The following AK8 variants were observed in gnomAD, a reference collection of about 807,000 sequenced individuals.
The protein encoded by AK8 is ATP-AMP transphosphorylase 8.
AK8 carries 44 observed loss-of-function variants against 54.6 expected under a neutral mutation model. The ratio of observed to expected loss-of-function variants is 0.81; its 90% CI spans 0.63 to 1.04. The LOEUF (loss-of-function observed/expected upper bound fraction) is 1.04, where lower values mean the gene tolerates loss of function less well. Ranked by LOEUF, AK8 falls within the 50% of genes least tolerant of loss-of-function variation. The probability of loss-of-function intolerance (pLI) is 0.00; values close to 1 mark genes in which losing one functional copy is unlikely to be tolerated. For synonymous variants in AK8, 239 were observed against 245.6 expected, an observed-to-expected ratio of 0.97 and a Z score of 0.25; for missense variants, 555 against 613.6, an observed-to-expected ratio of 0.90 and a Z score of 1.01.
chr9:132,746,066 C>T lies in AK8; in HGVS notation c.1122-18532G>A, dbSNP rs147899860. Among the ~76,000 whole-genome samples, 207 of 152,232 alleles carry T rather than the reference C, an allele frequency of 1.4e-3. 3 individuals are homozygous for T. The highest frequency in any genetic ancestry group is 4.7e-3 in the African/African-American group (197 of 41,540). ...AACGGGGATGTCGAGTTTAGGGAGA[C>T]GCTGCCTTCATCCAGCAATCCTAGT... On this transcript the variant is annotated intron_variant, in intron 11 of 12. Coordinates refer to ENST00000298545, the MANE Select transcript of AK8 (RefSeq NM_152572.3).
rs1316657815 is a variant in AK8, at chr9:132,725,670, C to T, written c.*18G>A. 2 of 1,552,682 alleles carry T rather than the reference C, an allele frequency of 1.3e-6. No homozygotes were observed. The highest frequency in any genetic ancestry group is 1.2e-5 in the South Asian group (1 of 85,198). On this transcript the variant is annotated 3_prime_UTR_variant, in exon 13 of 13. Coordinates refer to ENST00000298545, the MANE Select transcript of AK8 (RefSeq NM_152572.3). ...GATTAACTCTTTCCCTGGGGCAGCG[C>T]TCCTGGCTCTGAACCCATCAGGGGA...
chr9:132,759,497 T>C (rs925577007), intron 11 of AK8, among the ~76,000 whole-genome samples: 1 of 152,250 alleles, frequency 6.6e-6, no homozygotes, highest in Non-Finnish European at 1.5e-5. Flanking sequence ...TGGGTCTTAT[T>C]TTAGGAAGAC....
intron 11 of AK8, among the ~76,000 whole-genome samples, chr9:132,747,578 G>T (rs1400966716): frequency 6.6e-6 from 1 of 150,994 alleles, no homozygotes; most frequent in East Asian, 2.0e-4. Context: ...CTGTAGCTGG[G>T]ATTACACCAT....
At chr9:132,801,085 C>G (rs527564016) in intron 10 of AK8, among the ~76,000 whole-genome samples, 3 of 152,046 alleles carry the variant, frequency 2.0e-5, no homozygotes, top group African/African-American at 7.2e-5. Flanking sequence ...CCACCAGGCC[C>G]GGCTAATTTT....
intron 2 of AK8, among the ~76,000 whole-genome samples, chr9:132,872,705 C>G (rs1472316859): frequency 6.6e-6 from 1 of 152,014 alleles, no homozygotes; most frequent in African/African-American, 2.4e-5. Flanking sequence ...GCGATCTCAG[C>G]TCACTGCAAC....
At chr9:132,843,289 T>G (rs1432517456) in intron 5 of AK8, among the ~76,000 whole-genome samples, 1 of 152,050 alleles carries the variant, frequency 6.6e-6, no homozygotes, top group East Asian at 1.9e-4. Flanking sequence ...CGCCTCCCCC[T>G]CCCACTGTCT....
chr9:132,772,795 T>A (rs1839040164), intron 11 of AK8, among the ~76,000 whole-genome samples: 2 of 152,154 alleles, frequency 1.3e-5, no homozygotes, highest in Admixed American at 6.5e-5. Context: ...CCTCTCTCTC[T>A]CACATGTCCT....
At chr9:132,816,198 A>G (rs1841318648) in intron 9 of AK8, among the ~76,000 whole-genome samples, 1 of 152,034 alleles carries the variant, frequency 6.6e-6, no homozygotes, top group Admixed American at 6.5e-5. Context: ...TACTAAAAAT[A>G]CAAAAATTAG....
chr9:132,784,289 G>GC (rs34156644), intron 11 of AK8, among the ~76,000 whole-genome samples: 100,139 of 151,998 alleles, frequency 0.66, 33,154 homozygotes, highest in East Asian at 0.81. Flanking sequence ...GGAGGTTGAG[G>GC]GGGTGGATCA....
chr9:132,839,823 G>A (rs903720550), intron 5 of AK8, among the ~76,000 whole-genome samples: 1 of 147,302 alleles, frequency 6.8e-6, no homozygotes, highest in Admixed American at 6.8e-5. Flanking sequence ...TTTTTGCCGG[G>A]GGGGGGGGCG....
intron 11 of AK8, among the ~76,000 whole-genome samples, chr9:132,777,318 T>C (rs982332371): frequency 6.6e-6 from 1 of 152,140 alleles, no homozygotes. Context: ...CATCATCCCA[T>C]TGAATCCTCT....
At position 132,771,286 on chromosome 9, in the gene AK8, G is replaced by A. The variant is rs150228562; in HGVS notation, c.1121+21348C>T. 3.5e-4 allele frequency among the ~76,000 whole-genome samples: 53 copies of A among 152,362 alleles called. No homozygotes were observed. The East Asian group carries it at 7.9e-3, about 23-fold the overall frequency. Reference sequence around the variant, plus strand: ...GGGCCTGGCCCTCCTGCCCACAGGAGACAAGAGACTATGGAGGAAAGTGCT... The same window carrying A: ...GGGCCTGGCCCTCCTGCCCACAGGAAACAAGAGACTATGGAGGAAAGTGCT... On this transcript the variant is annotated intron_variant, in intron 11 of 12. Transcript: ENST00000298545.
intron 11 of AK8, among the ~76,000 whole-genome samples, chr9:132,777,355 C>G (rs1031990842): frequency 9.2e-5 from 14 of 152,050 alleles, no homozygotes; most frequent in African/African-American, 3.1e-4. Context: ...TCCCACTGTC[C>G]CTGATTTTTA....
rs575550419 is a variant in AK8, at chr9:132,747,767, A to AT, written c.1122-20234dup. Among the ~76,000 whole-genome samples, 52 of 142,864 alleles carry AT rather than the reference A, an allele frequency of 3.6e-4. 1 individual carries two copies. The highest frequency in any genetic ancestry group is 6.8e-4 in the South Asian group (3 of 4,432). 93.7% of individuals were successfully genotyped at this position (142,864 alleles called of 152,430 possible). A position where few individuals can be genotyped will look rare whatever the true frequency, so the allele number is the denominator to read the frequency against. On this transcript the variant is annotated intron_variant, in intron 11 of 12. Coordinates refer to ENST00000298545, the MANE Select transcript of AK8 (RefSeq NM_152572.3). ...GTCTGGTTTTAATTTTTTAATTTTA[A>AT]TTTTTTTTTTTACAATGAGACTGTA...
At chr9:132,771,734 C>T (rs981027037) in intron 11 of AK8, among the ~76,000 whole-genome samples, 2 of 152,142 alleles carry the variant, frequency 1.3e-5, no homozygotes, top group African/African-American at 4.8e-5. Flanking sequence ...CAAGCAGCGT[C>T]GTGTGGTGTG....
At chr9:132,728,891 C>T (rs184008736) in intron 11 of AK8, among the ~76,000 whole-genome samples, 3 of 136,318 alleles carry the variant, frequency 2.2e-5, no homozygotes, top group Admixed American at 1.6e-4. Context: ...GGAACACTTA[C>T]TTTATATGAA....
At chr9:132,793,479 G>A (rs148994507) in intron 10 of AK8, among the ~76,000 whole-genome samples, 3 of 152,214 alleles carry the variant, frequency 2.0e-5, no homozygotes, top group South Asian at 2.1e-4. Flanking sequence ...CTGTGCCAGC[G>A]CCCCCAAAGC....
At chr9:132,798,973 G>C (rs889441649) in intron 10 of AK8, among the ~76,000 whole-genome samples, 2 of 152,152 alleles carry the variant, frequency 1.3e-5, no homozygotes, top group Non-Finnish European at 2.9e-5. Flanking sequence ...CCACGGCTCC[G>C]GACAGGAGTC....
At chr9:132,871,207 T>C (rs1393811076) in intron 2 of AK8, among the ~76,000 whole-genome samples, 1 of 151,998 alleles carries the variant, frequency 6.6e-6, no homozygotes, top group Non-Finnish European at 1.5e-5. Context: ...GATTGCGCCA[T>C]TGCACTCCAG....
Sources: allele counts gnomAD v4.1 joint callset (sites outside exome capture counted in the v4.1 genomes callset), GRCh38; gene constraint gnomAD v4.1.1; transcripts MANE v1.5; gene names NCBI Gene and HGNC (gene_info 2026-07-23, HGNC 2026-07-21).